CLSTN1: variants seen among roughly 807,000 people sequenced by gnomAD.
CLSTN1 encodes calsyntenin 1.
In CLSTN1, 28 loss-of-function variants were observed where a neutral mutation model predicts 108.3. That is an observed-to-expected ratio of 0.26 (90% CI 0.19 to 0.35). CLSTN1 has a LOEUF of 0.35. Among genes scored for constraint, CLSTN1 ranks in the 10% least tolerant of loss-of-function variants. The pLI is 1.00. For missense variants in CLSTN1, 1,157 were observed against 1,302.6 expected (o/e 0.89, Z 1.72); for synonymous variants, 524 against 534.9 (o/e 0.98, Z 0.28).
intron 1 of CLSTN1, among the ~76,000 whole-genome samples, chr1:9,795,681 C>T (rs1215296211): frequency 2.0e-5 from 3 of 151,324 alleles, no homozygotes; most frequent in South Asian, 2.2e-4. Context: ...TGGCTGGGTG[C>T]GGTGGCTCAT....
intron 7 of CLSTN1, among the ~76,000 whole-genome samples, chr1:9,747,151 C>T (rs532845399): frequency 9.9e-5 from 14 of 141,098 alleles, no homozygotes; most frequent in African/African-American, 3.5e-4. Flanking sequence ...TGCACTCCAG[C>T]CTGGGCGACA....
chr1:9,792,332 C>T (rs1467149749), intron 1 of CLSTN1, among the ~76,000 whole-genome samples: 1 of 151,522 alleles, frequency 6.6e-6, no homozygotes, highest in Non-Finnish European at 1.5e-5. Context: ...CCATGGCTGG[C>T]AGTCTCTCTT....
At chr1:9,793,116 G>C (rs923628633) in intron 1 of CLSTN1, among the ~76,000 whole-genome samples, 2 of 151,236 alleles carry the variant, frequency 1.3e-5, no homozygotes, top group Non-Finnish European at 2.9e-5. Flanking sequence ...AGATTCAAGC[G>C]ATTCTCCTGC....
At chr1:9,793,305 G>A (rs1044033937) in intron 1 of CLSTN1, among the ~76,000 whole-genome samples, 11 of 151,416 alleles carry the variant, frequency 7.3e-5, no homozygotes, top group Admixed American at 4.7e-4. Context: ...GAGCCACTGC[G>A]CCCAGCCTAA....
At chr1:9,749,935 A>G (rs980112266) in intron 5 of CLSTN1, 22 bp from the exon 6 acceptor site, 11 of 1,608,708 alleles carry the variant, frequency 6.8e-6, no homozygotes, top group Non-Finnish European at 8.5e-6. Context: ...CAAAAACAAC[A>G]GTGAGAGCCA....
At chr1:9,813,189 C>T (rs1654835312) in intron 1 of CLSTN1, among the ~76,000 whole-genome samples, 1 of 151,044 alleles carries the variant, frequency 6.6e-6, no homozygotes, top group East Asian at 2.0e-4. Context: ...AAACCTGTTG[C>T]CATCTTGATA....
At chr1:9,773,899 ATT>A (rs57507445) in intron 1 of CLSTN1, among the ~76,000 whole-genome samples, 37 of 133,218 alleles carry the variant, frequency 2.8e-4, no homozygotes, top group Admixed American at 4.5e-4. Flanking sequence ...TACTTGACTT[ATT>A]TTTTTTTTTT....
chr1:9,759,157 C>T (rs1236051301), intron 2 of CLSTN1, among the ~76,000 whole-genome samples: 1 of 152,034 alleles, frequency 6.6e-6, no homozygotes, highest in African/African-American at 2.4e-5. Context: ...TGCAAACTGC[C>T]GTTTCCAGAA....
At chr1:9,810,771 A>G (rs952325898) in intron 1 of CLSTN1, among the ~76,000 whole-genome samples, 17 of 150,986 alleles carry the variant, frequency 1.1e-4, no homozygotes, top group African/African-American at 4.1e-4. Flanking sequence ...TGAGACCCCA[A>G]CTCAAAAAAT....
chr1:9,795,338 G>A (rs898868420), intron 1 of CLSTN1, among the ~76,000 whole-genome samples: 4 of 150,788 alleles, frequency 2.7e-5, no homozygotes, highest in Non-Finnish European at 5.9e-5. Flanking sequence ...GCTAATTTTT[G>A]TATTTTTAGT....
intron 1 of CLSTN1, among the ~76,000 whole-genome samples, chr1:9,798,079 G>A (rs956742154): frequency 6.7e-5 from 10 of 148,714 alleles, no homozygotes; most frequent in Non-Finnish European, 1.2e-4. Context: ...GGGCAACAGA[G>A]GGAGCGAGAC....
rs145437604 is a variant in CLSTN1, at chr1:9,737,125, A to G, written c.1576+373T>C. On this transcript the variant is annotated intron_variant, in intron 11 of 18. Transcript: ENST00000377298. ...TTTAAAATTTACTGTCAATCAGGAC[A>G]GAATATCTAGAAACAAGTCTTTTCC... Among the ~76,000 whole-genome samples the G allele has an allele frequency of 3.5e-4, 53 of 152,284 alleles. 1 individual carries two copies. The highest frequency in any genetic ancestry group is 1.2e-3 in the African/African-American group (51 of 41,572).
At chr1:9,787,217 C>A (rs905957900) in intron 1 of CLSTN1, among the ~76,000 whole-genome samples, 4 of 151,066 alleles carry the variant, frequency 2.6e-5, no homozygotes, top group African/African-American at 9.7e-5. Flanking sequence ...TTCCATCCAT[C>A]CATCCGTCTT....
chr1:9,795,900 A>C (rs1457132246), intron 1 of CLSTN1, among the ~76,000 whole-genome samples: 1 of 150,314 alleles, frequency 6.7e-6, no homozygotes, highest in African/African-American at 2.4e-5. Context: ...GGCTGCAGTG[A>C]GCGATGATCA....
At chr1:9,824,445 T>C (rs1173452490), upstream of CLSTN1, 1 of 151,838 alleles carries the variant, frequency 6.6e-6, no homozygotes, top group African/African-American at 2.4e-5. This position sits in a 1 kb window ranked among gnomAD's most constrained non-coding sequence, Gnocchi z 5.0. Context: ...TTCGGGCAGG[T>C]CGCGTCGCCC....
Position 9,744,602 on chromosome 1 carries a change from C to T in CLSTN1, c.1027G>A (p.Gly343Arg). Reference protein sequence around the residue: ...GTAELLPSPSGSLNWTMGLPT... With the variant: ...GTAELLPSPSRSLNWTMGLPT... ...AGGCCCATGGTCCAGTTGAGGGATCCACTCGGGGATGGCAGCAGCTCGGCA... is the reference window on the plus strand; with the variant it reads ...AGGCCCATGGTCCAGTTGAGGGATCTACTCGGGGATGGCAGCAGCTCGGCA... Residue 343 changes from glycine to arginine, a missense_variant, in exon 8 of 19, where the codon GGA (glycine) becomes AGA (arginine). Physicochemically the swap from Gly to Arg is moderately radical, Grantham distance 125 (BLOSUM62 -2). Coordinates refer to ENST00000377298, the MANE Select transcript of CLSTN1 (RefSeq NM_001009566.3). The T allele has an allele frequency of 3.1e-6, 5 of 1,613,324 alleles. No homozygotes were observed. Among genetic ancestry groups the T allele is most frequent in the Non-Finnish European group, 4.2e-6 (5 of 1,179,996 alleles).
At chr1:9,789,471 A>G (rs1459148061) in intron 1 of CLSTN1, among the ~76,000 whole-genome samples, 1 of 151,524 alleles carries the variant, frequency 6.6e-6, no homozygotes, top group Non-Finnish European at 1.5e-5. Flanking sequence ...ACAGAGAGTA[A>G]GAAGCCCCAT....
intron 2 of CLSTN1, among the ~76,000 whole-genome samples, chr1:9,763,725 A>G (rs1195341618): frequency 1.3e-5 from 2 of 152,038 alleles, no homozygotes; most frequent in Admixed American, 1.3e-4. Flanking sequence ...GTTGACTTCA[A>G]TCCTGTGCTC....
rs529641193 is a variant in CLSTN1 at position 9,804,134 on chromosome 1, G to A, written c.91+19509C>T. ...TCCCAGCACTTTGGGAGGCTGAGGCGGGCGGATCACGAGGTCAAGAGATCG... is the reference window on the plus strand; with the variant it reads ...TCCCAGCACTTTGGGAGGCTGAGGCAGGCGGATCACGAGGTCAAGAGATCG... On this transcript the variant is annotated intron_variant, in intron 1 of 18. Transcript: ENST00000377298. 3.2e-4 allele frequency among the ~76,000 whole-genome samples: 48 copies of A among 151,806 alleles called. 1 individual carries two copies. The highest frequency in any genetic ancestry group is 5.2e-4 in the Non-Finnish European group (35 of 67,910).
Sources: allele counts gnomAD v4.1 joint callset (sites outside exome capture counted in the v4.1 genomes callset), GRCh38; gene constraint gnomAD v4.1.1; non-coding constraint Gnocchi (gnomAD v3.1); transcripts MANE v1.5; gene names NCBI Gene and HGNC (gene_info 2026-07-23, HGNC 2026-07-21).